Variants in CDH13 observed in about 807,000 individuals in gnomAD.
CDH13 encodes the protein cadherin 13.
In CDH13, 24 loss-of-function variants were observed where a neutral mutation model predicts 63.8. The observed-to-expected ratio is 0.38, with a 90% CI of 0.27 to 0.53. The LOEUF (loss-of-function observed/expected upper bound fraction) is 0.53, where lower values mean the gene tolerates loss of function less well. Among genes scored for constraint, CDH13 ranks in the 20% least tolerant of loss-of-function variants. CDH13 has a pLI of 0.85. For missense variants in CDH13, 1,049 were observed against 903.1 expected (o/e 1.16, Z -2.07); for synonymous variants, 503 against 355.3 (o/e 1.42, Z -4.67).
rs556013277 is a variant in CDH13, at chr16:82,670,080, A to G, written c.45+42943A>G. On this transcript the variant is annotated intron_variant, in intron 1 of 13. Transcript: ENST00000567109. ...ATTGCTGCTTGTCTCAGAGTTTGAG[A>G]TTCTGCCGGGGTTTCTTGAGTCACC... Among the ~76,000 whole-genome samples the G allele has an allele frequency of 2.6e-3, 389 of 152,292 alleles. 3 individuals are homozygous for G. Among genetic ancestry groups the G allele is most frequent in the Middle Eastern group, 0.01 (3 of 294 alleles).
chr16:83,006,907 T>A (rs1282606846), intron 2 of CDH13, among the ~76,000 whole-genome samples: 4 of 125,818 alleles, frequency 3.2e-5, no homozygotes, highest in African/African-American at 1.2e-4. Context: ...TGATTTTTTT[T>A]GTTTGTTTGT....
chr16:83,521,319 G>A (rs1168339092), intron 7 of CDH13, among the ~76,000 whole-genome samples: 1 of 151,686 alleles, frequency 6.6e-6, no homozygotes, highest in Non-Finnish European at 1.5e-5. Flanking sequence ...CAAGAGAGAA[G>A]GTACTCTTTG....
At chr16:82,945,135 T>G (rs1904560550) in intron 2 of CDH13, among the ~76,000 whole-genome samples, 1 of 152,118 alleles carries the variant, frequency 6.6e-6, no homozygotes, top group African/African-American at 2.4e-5. Context: ...ACAAAGACAT[T>G]TCTCAAGTAG....
chr16:83,080,928 C>A (rs113949093), intron 3 of CDH13, among the ~76,000 whole-genome samples: 10 of 103,162 alleles, frequency 9.7e-5, no homozygotes, highest in African/African-American at 3.9e-4. Flanking sequence ...GTTGCCCAGG[C>A]GGGAGTGCAA....
chr16:83,457,369 C>G (rs902095691), intron 6 of CDH13, among the ~76,000 whole-genome samples: 2 of 152,134 alleles, frequency 1.3e-5, no homozygotes, highest in Non-Finnish European at 2.9e-5. Context: ...AGGGTGGGCA[C>G]TGAAGGGCTT....
intron 2 of CDH13, among the ~76,000 whole-genome samples, chr16:83,021,254 A>G (rs1391735479): frequency 6.6e-6 from 1 of 152,216 alleles, no homozygotes; most frequent in Non-Finnish European, 1.5e-5. Flanking sequence ...CAGTTCTGCT[A>G]TTTATTCATT....
At chr16:82,774,438 G>A (rs1248478992) in intron 1 of CDH13, among the ~76,000 whole-genome samples, 1 of 151,926 alleles carries the variant, frequency 6.6e-6, no homozygotes, top group Admixed American at 6.6e-5. Context: ...TATGTATGAA[G>A]CCCATAGAAA....
rs1335946374 is a variant in CDH13 at position 82,960,960 on chromosome 16, G to C, written c.158-71050G>C. 2.0e-5 allele frequency among the ~76,000 whole-genome samples: 3 copies of C among 152,310 alleles called. No homozygotes were observed. The East Asian group carries it at 5.8e-4, about 29-fold the overall frequency. ...AAAAGGGTAATACAAAATATGGATA[G>C]TTTTTTCATTGCTGGAATGTTCCAC... On this transcript the variant is annotated intron_variant, in intron 2 of 13. Transcript: ENST00000567109.
chr16:83,051,903 T>C (rs907239930), intron 3 of CDH13, among the ~76,000 whole-genome samples: 14 of 152,226 alleles, frequency 9.2e-5, no homozygotes, highest in African/African-American at 2.9e-4. Context: ...CTTGATTTAT[T>C]TGGACTATGG....
chr16:82,790,106 C>A (rs887736956), intron 1 of CDH13, among the ~76,000 whole-genome samples: 2 of 152,102 alleles, frequency 1.3e-5, no homozygotes, highest in East Asian at 3.9e-4. Context: ...CACATGCCTA[C>A]ACCCCCCCTC....
chr16:82,772,801 C>A (rs148045732), intron 1 of CDH13, among the ~76,000 whole-genome samples: 54 of 152,264 alleles, frequency 3.5e-4, no homozygotes, highest in African/African-American at 1.2e-3. Context: ...TGGCTGAGCT[C>A]TGAACCCATT....
At chr16:83,466,949 A>G (rs915894104) in intron 6 of CDH13, among the ~76,000 whole-genome samples, 10 of 152,074 alleles carry the variant, frequency 6.6e-5, no homozygotes, top group Non-Finnish European at 1.3e-4. Flanking sequence ...CACCATCTAG[A>G]CTGCCGACTA....
At chr16:82,828,933 G>C (rs893273832) in intron 1 of CDH13, among the ~76,000 whole-genome samples, 3 of 152,142 alleles carry the variant, frequency 2.0e-5, no homozygotes, top group African/African-American at 7.2e-5. Flanking sequence ...AGGGACAATT[G>C]TGCTAACCTT....
chr16:82,695,850 A>G (rs1048335498), intron 1 of CDH13, among the ~76,000 whole-genome samples: 2 of 152,244 alleles, frequency 1.3e-5, no homozygotes, highest in African/African-American at 4.8e-5. Flanking sequence ...CAGATTATGT[A>G]CAAGATATTG....
rs74033932 is a variant in CDH13 at position 83,147,493 on chromosome 16, T to C, written c.483+21992T>C. On this transcript the variant is annotated intron_variant, in intron 4 of 13. Coordinates refer to ENST00000567109, the MANE Select transcript of CDH13 (RefSeq NM_001257.5). ...CTCAAGTCATTTCTGATCTGGTGCC[T>C]TATCCTGCAGCCACAGCCCCTGCCA... is the stretch of plus-strand genomic sequence containing the variant. 4.4e-3 allele frequency among the ~76,000 whole-genome samples: 677 copies of C among 152,336 alleles called. 8 individuals are homozygous for C. The highest frequency in any genetic ancestry group is 0.014 in the African/African-American group (599 of 41,576).
chr16:82,841,740 G>A (rs899596219), intron 1 of CDH13, among the ~76,000 whole-genome samples: 1 of 152,026 alleles, frequency 6.6e-6, no homozygotes, highest in African/African-American at 2.4e-5. Context: ...TGTTATGATG[G>A]TTTATGTTCA....
chr16:82,653,731 G>A (rs866525481), intron 1 of CDH13, among the ~76,000 whole-genome samples: 2 of 152,146 alleles, frequency 1.3e-5, no homozygotes, highest in East Asian at 1.9e-4. Context: ...GCAGGAACTA[G>A]GGGGGATTTT....
intron 5 of CDH13, among the ~76,000 whole-genome samples, chr16:83,269,185 GT>G (rs2088719753): frequency 2.0e-5 from 3 of 152,142 alleles, no homozygotes; most frequent in Admixed American, 6.6e-5. Flanking sequence ...AAATTCAAAT[GT>G]TGTGTCATAA....
intron 2 of CDH13, among the ~76,000 whole-genome samples, chr16:82,873,526 G>A (rs1567619638): frequency 6.6e-6 from 1 of 152,154 alleles, no homozygotes; most frequent in Non-Finnish European, 1.5e-5. Flanking sequence ...GGGCTCCTAG[G>A]TTATATTGCC....
Sources: allele counts gnomAD v4.1 joint callset (sites outside exome capture counted in the v4.1 genomes callset), GRCh38; gene constraint gnomAD v4.1.1; transcripts MANE v1.5; gene names NCBI Gene and HGNC (gene_info 2026-07-23, HGNC 2026-07-21).